Variants in MACF1 observed in about 807,000 individuals in gnomAD.
MACF1 encodes the protein microtubule-actin cross-linking factor 1.
In MACF1, 193 loss-of-function variants were observed where a neutral mutation model predicts 854.8. The ratio of observed to expected loss-of-function variants is 0.23; its 90% confidence interval spans 0.20 to 0.25. MACF1 has a LOEUF of 0.25. Among genes scored for constraint, MACF1 ranks in the 10% least tolerant of loss-of-function variants. The probability of loss-of-function intolerance (pLI) is 1.00; values close to 1 mark genes in which losing one functional copy is unlikely to be tolerated. For missense variants in MACF1, 7,722 were observed against 8,929.1 expected (o/e 0.86, Z 5.45); for synonymous variants, 3,185 against 3,226.7 (o/e 0.99, Z 0.44).
chr1:39,106,799 C>T (rs560376476), intron 2 of MACF1, among the ~76,000 whole-genome samples: 1 of 139,874 alleles, frequency 7.1e-6, no homozygotes, highest in East Asian at 2.4e-4. Flanking sequence ...CCCTCTCCCC[C>T]CTCCCCCCCA....
chr1:39,122,490 T>C (rs1642743360), intron 2 of MACF1, among the ~76,000 whole-genome samples: 2 of 151,960 alleles, frequency 1.3e-5, no homozygotes, highest in Non-Finnish European at 2.9e-5. Context: ...CCTGACCTCA[T>C]GATCCACCTG....
At chr1:39,212,994 C>G (rs1644534620) in intron 1 of MACF1, among the ~76,000 whole-genome samples, 1 of 152,192 alleles carries the variant, frequency 6.6e-6, no homozygotes, top group South Asian at 2.1e-4. Flanking sequence ...AACTCCTATG[C>G]CTTTGTTTGT....
intron 47 of MACF1, 67 bp downstream of exon 47, chr1:39,359,331 G>A: frequency 1.3e-6 from 2 of 1,545,846 alleles, no homozygotes; most frequent in Non-Finnish European, 8.9e-7. Context: ...TCTGCAATAT[G>A]TCACATTGTG....
intron 2 of MACF1, among the ~76,000 whole-genome samples, chr1:39,239,523 C>T (rs987975957): frequency 3.9e-5 from 6 of 152,152 alleles, no homozygotes; most frequent in African/African-American, 1.4e-4. Context: ...TGTAAACATA[C>T]ATATGTAAGG....
intron 18 of MACF1, 51 bp from the exon 19 acceptor site, chr1:39,294,995 G>A (rs769696684): frequency 9.2e-6 from 12 of 1,308,958 alleles, no homozygotes; most frequent in African/African-American, 2.9e-5. Flanking sequence ...TATGCTATCC[G>A]CTCCCCACTG....
chr1:39,458,731 C>G (rs911631646), intron 90 of MACF1: 41 of 534,508 alleles, frequency 7.7e-5, no homozygotes, highest in Non-Finnish European at 3.5e-5. Flanking sequence ...TAACAGTGGC[C>G]TTTCCATTGT....
chr1:39,341,498 C>G (rs569929006), intron 40 of MACF1, among the ~76,000 whole-genome samples: 1 of 150,916 alleles, frequency 6.6e-6, no homozygotes, highest in East Asian at 2.0e-4. Context: ...GAGTTCAACA[C>G]CAGCCTGGCC....
chr1:39,089,819 T>G (rs1006592788), intron 2 of MACF1, among the ~76,000 whole-genome samples: 5 of 152,224 alleles, frequency 3.3e-5, no homozygotes, highest in African/African-American at 1.2e-4. Context: ...TCTTGGATCC[T>G]CAGTTTCCTT....
intron 26 of MACF1, 87 bp from the exon 27 acceptor site, chr1:39,315,426 A>G: frequency 7.9e-7 from 1 of 1,258,096 alleles, no homozygotes; most frequent in South Asian, 1.4e-5. Context: ...GGTGGTTTCC[A>G]ATATTTAGCT....
At position 39,359,207 on chromosome 1, in the gene MACF1, A is replaced by G. The variant is rs752831232; in HGVS notation, c.12187A>G (p.Ile4063Val). The G allele has an allele frequency of 1.1e-5, 18 of 1,614,080 alleles. No homozygotes were observed. The Admixed American group carries it at 1.5e-4, about 13-fold the overall frequency. Residue 4063 changes from isoleucine to valine, a missense_variant, in exon 47 of 101, where the codon ATA becomes GTA. By Grantham distance (29) the Ile-to-Val change is conservative. This residue lies in a region of MACF1 where 2,807 missense variants were observed against 3,235.8 expected (regional missense o/e 0.87). Transcript: ENST00000564288. ...AAAACTCCAAAAAGTAGCTCGTGAC[A>G]TAATGGAAATTGAAGGGGAGCCAGC... ...VEKLQKVARD[I>V]MEIEGEPAPD...
chr1:39,326,711 A>G (rs1177379790), intron 35 of MACF1, among the ~76,000 whole-genome samples: 2 of 151,682 alleles, frequency 1.3e-5, no homozygotes, highest in Non-Finnish European at 2.9e-5. Context: ...AGAGAGAAGA[A>G]AAAGAAAAGG....
intron 2 of MACF1, among the ~76,000 whole-genome samples, chr1:39,119,242 G>A (rs1280917963): frequency 3.3e-5 from 5 of 151,088 alleles, no homozygotes; most frequent in Admixed American, 1.3e-4. Flanking sequence ...GCTTGAACCC[G>A]GGAGGCGGAG....
intron 2 of MACF1, among the ~76,000 whole-genome samples, chr1:39,197,081 A>G (rs1466716624): frequency 6.6e-6 from 1 of 152,200 alleles, no homozygotes; most frequent in East Asian, 1.9e-4. Context: ...TAAAAAGAAA[A>G]CTAGTCACTC....
chr1:39,131,254 C>G (rs1642997596), intron 2 of MACF1, among the ~76,000 whole-genome samples: 2 of 142,944 alleles, frequency 1.4e-5, no homozygotes, highest in Non-Finnish European at 3.0e-5. Flanking sequence ...ACCTTGAACT[C>G]CTGGGCTAAA....
chr1:39,317,988 A>G (rs1362505202), intron 29 of MACF1, among the ~76,000 whole-genome samples: 8 of 152,190 alleles, frequency 5.3e-5, no homozygotes. Context: ...AGACTAGAGA[A>G]GTGATATGAC....
chr1:39,424,370 G>T (rs1302395100), intron 61 of MACF1, among the ~76,000 whole-genome samples, 176 bp downstream of exon 61: 2 of 152,138 alleles, frequency 1.3e-5, no homozygotes, highest in African/African-American at 4.8e-5. Flanking sequence ...TCACACTCAG[G>T]AAATGGTCTC....
intron 1 of MACF1, among the ~76,000 whole-genome samples, chr1:39,210,379 T>TAA (rs1024948276): frequency 6.8e-6 from 1 of 146,026 alleles, no homozygotes; most frequent in African/African-American, 2.5e-5. Context: ...TTCCTTTTTT[T>TAA]AAAAAAAAAA....
intron 58 of MACF1, among the ~76,000 whole-genome samples, chr1:39,421,886 AAC>A (rs1158759464): frequency 1.3e-5 from 2 of 152,156 alleles, no homozygotes; most frequent in Admixed American, 1.3e-4. Flanking sequence ...CATCCTGGCT[AAC>A]ACGGTGAAAC....
chr1:39,347,203 T>A lies in MACF1; in HGVS notation c.10808T>A (p.Leu3603Gln), dbSNP rs941217424. The change falls in exon 41 of 101, where the codon CTG becomes CAG. Residue 3603 changes from leucine (L) to glutamine (Q), a missense_variant. This residue lies in a region of MACF1 where 854 missense variants were observed against 852.6 expected (regional missense o/e 1.00). Coordinates refer to ENST00000564288, the MANE Select transcript of MACF1 (RefSeq NM_001394062.1). ...CTTCAACAAATGGAGCAGGAAGCCC[T>A]GGTGAAGGTCAGACTGAACCAGCAG... is the stretch of plus-strand genomic sequence containing the variant. Reference protein sequence around the residue: ...GHLQQMEQEALVKTLQKQQNT... With the variant: ...GHLQQMEQEAQVKTLQKQQNT... 1 of 1,612,158 alleles carries A rather than the reference T, an allele frequency of 6.2e-7. No homozygotes were observed. Among genetic ancestry groups the A allele is most frequent in the East Asian group, 2.2e-5 (1 of 44,870 alleles).
Sources: gnomAD v4.1 joint callset for allele counts (sites outside exome capture counted in the v4.1 genomes callset) on GRCh38, gnomAD v4.1.1 for gene constraint, gnomAD v4.1.1 regional missense constraint, MANE v1.5 for transcripts, NCBI Gene and HGNC (gene_info 2026-07-23, HGNC 2026-07-21) for gene names.